ADGRA2: variants seen among roughly 807,000 people sequenced by gnomAD.
ADGRA2 encodes adhesion G protein-coupled receptor A2, also known as G-protein coupled receptor 124.
ADGRA2 carries 61 observed loss-of-function variants against 98.7 expected under a neutral mutation model. That is an observed-to-expected ratio of 0.62 (90% CI 0.50 to 0.76). The LOEUF is 0.76. Among genes scored for constraint, ADGRA2 ranks in the 30% least tolerant of loss-of-function variants. The probability of loss-of-function intolerance (pLI) is 0.00; values close to 1 mark genes in which losing one functional copy is unlikely to be tolerated. For missense variants in ADGRA2, 1,712 were observed against 1,860.0 expected, an observed-to-expected ratio of 0.92 and a Z score of 1.46; for synonymous variants, 858 against 831.5, an observed-to-expected ratio of 1.03 and a Z score of -0.55.
intron 5 of ADGRA2, 48 bp downstream of exon 5, chr8:37,829,607 C>T: frequency 7.4e-7 from 1 of 1,354,026 alleles, no homozygotes; most frequent in Non-Finnish European, 1.1e-6. Context: ...GTCCCTTTCT[C>T]TGCCCAGGAG....
chr8:37,801,392 A>C (rs1251145589), intron 1 of ADGRA2, among the ~76,000 whole-genome samples: 2 of 152,114 alleles, frequency 1.3e-5, no homozygotes, highest in Non-Finnish European at 2.9e-5. Context: ...CCCCAGGGAA[A>C]AGGTCCCACG....
rs140056490 is a variant in ADGRA2 at position 37,835,706 on chromosome 8, C to T, written c.1986C>T (p.Arg662=). Residue 662 remains arginine, a synonymous_variant, in exon 13 of 19, where the codon CGC becomes CGT. Coordinates refer to ENST00000412232, the MANE Select transcript of ADGRA2 (RefSeq NM_032777.10). ...RLFHSHSNTS[R]PGAAGPGKRR... ...TCCACAGCCACAGCAACACCTCCCG[C>T]CCTGGAGCTGCTGGGCCTGGCAAGA... is the stretch of plus-strand genomic sequence containing the variant. The T allele has an allele frequency of 1.4e-5, 22 of 1,613,884 alleles. No homozygotes were observed. Among genetic ancestry groups the T allele is most frequent in the Non-Finnish European group, 1.9e-5 (22 of 1,179,986 alleles).
intron 1 of ADGRA2, among the ~76,000 whole-genome samples, chr8:37,798,160 C>T (rs73592886): frequency 0.25 from 37,991 of 152,118 alleles, 5,064 homozygotes; most frequent in East Asian, 0.39. Flanking sequence ...GTCCCCATCC[C>T]TCTAGAGGCC....
intron 1 of ADGRA2, among the ~76,000 whole-genome samples, chr8:37,812,393 C>T (rs892011275): frequency 2.0e-5 from 3 of 152,056 alleles, no homozygotes; most frequent in South Asian, 2.1e-4. Flanking sequence ...TTTGGGAGCC[C>T]GAGGCGGGTG....
intron 1 of ADGRA2, among the ~76,000 whole-genome samples, chr8:37,809,505 G>C (rs990505275): frequency 2.0e-5 from 3 of 152,128 alleles, no homozygotes; most frequent in Non-Finnish European, 1.5e-5. Flanking sequence ...CCAACCCTGG[G>C]TATCTGAGGA....
chr8:37,821,571 A>G (rs1283250583), intron 2 of ADGRA2, among the ~76,000 whole-genome samples: 1 of 152,192 alleles, frequency 6.6e-6, no homozygotes, highest in African/African-American at 2.4e-5. Context: ...GGTGTCAGTC[A>G]CAGTAAGATG....
chr8:37,797,279 G>A lies in ADGRA2; in HGVS notation c.11G>A (p.Gly4Glu). MGA[G>E]GRRMRGAPAR... Reference sequence around the variant, plus strand: ...CGGGGCGATGGGTTGATGGGCGCCGGGGGACGCAGGATGCGGGGGGCGCCC... The same window carrying A: ...CGGGGCGATGGGTTGATGGGCGCCGAGGGACGCAGGATGCGGGGGGCGCCC... Residue 4 changes from glycine (G) to glutamate (E), a missense_variant, in exon 1 of 19, where the codon GGG (glycine) becomes GAG (glutamate). Gly to Glu is a moderately conservative substitution (Grantham distance 98, BLOSUM62 -2). Coordinates refer to ENST00000412232, the MANE Select transcript of ADGRA2 (RefSeq NM_032777.10). This position sits in a 1 kb window ranked among gnomAD's most constrained non-coding sequence, Gnocchi z 5.3. 2.3e-6 allele frequency: 3 copies of A among 1,296,484 alleles called. No individual in the cohort carries two copies. Among genetic ancestry groups the A allele is most frequent in the Middle Eastern group, 3.0e-4 (1 of 3,376 alleles). The allele number at this position is 1,296,484 out of a possible 1,614,324, so 80.3% of individuals were successfully genotyped here.
rs1351013741 is a variant in ADGRA2 at position 37,829,538 on chromosome 8, A to G, written c.533A>G (p.Glu178Gly). Residue 178 changes from glutamate (E) to glycine (G), a missense_variant, in exon 5 of 19, where the codon GAG becomes GGG. Coordinates refer to ENST00000412232, the MANE Select transcript of ADGRA2 (RefSeq NM_032777.10). ...FSSLQPGVFD[E>G]LPALKVVDLG... ...AGTCTGCAACCTGGGGTCTTTGATG[A>G]GCTGCCAGCCCTTAAGGTTGTGTGA... 1.2e-6 allele frequency: 2 copies of G among 1,612,670 alleles called. 1 individual carries two copies. The highest frequency in any genetic ancestry group is 1.7e-6 in the Non-Finnish European group (2 of 1,178,754).
At chr8:37,819,659 C>T (rs182383275) in intron 2 of ADGRA2, among the ~76,000 whole-genome samples, 26 of 151,968 alleles carry the variant, frequency 1.7e-4, no homozygotes, top group African/African-American at 5.8e-4. Context: ...CATGAGCCAT[C>T]GCACCCGGCC....
rs750328653 is a variant in ADGRA2 at position 37,831,409 on chromosome 8, C to A, written c.933-14C>A. 1.2e-6 allele frequency: 2 copies of A among 1,607,414 alleles called. No homozygotes were observed. Among genetic ancestry groups the A allele is most frequent in the Non-Finnish European group, 1.7e-6 (2 of 1,179,256 alleles). Reference sequence around the variant, plus strand: ...AAGGGTGACTCACGAGCCAGCTCCACCTGCCACCCGCAGTGAGCTGACGCT... The same window carrying A: ...AAGGGTGACTCACGAGCCAGCTCCAACTGCCACCCGCAGTGAGCTGACGCT... On this transcript the variant is annotated splice_polypyrimidine_tract_variant and intron_variant, in intron 7 of 18. Coordinates refer to ENST00000412232, the MANE Select transcript of ADGRA2 (RefSeq NM_032777.10).
rs1229618971 is a variant in ADGRA2, at chr8:37,842,116, G to A, written c.3778G>A (p.Ala1260Thr). ...GCCGTCCGAGGGCAGCGACACCAGC[G>A]CCGCGCCGCTTTCTGAGGCGGGCCG... ...LTPSEGSDTSAAPLSEAGRAG... is the reference protein window; with the variant it reads ...LTPSEGSDTSTAPLSEAGRAG... Residue 1260 changes from alanine (A) to threonine (T), a missense_variant, in exon 19 of 19, where the codon GCC becomes ACC. Coordinates refer to ENST00000412232, the MANE Select transcript of ADGRA2 (RefSeq NM_032777.10). 14 of 1,497,674 alleles carry A rather than the reference G, an allele frequency of 9.3e-6. No homozygotes were observed. In the East Asian group the frequency reaches 1.6e-4, roughly 17 times the overall value. 92.8% of individuals were successfully genotyped at this position (1,497,674 alleles called of 1,614,324 possible).
At position 37,837,820 on chromosome 8, in the gene ADGRA2, A is replaced by G. The variant is rs923206790; in HGVS notation, c.2140A>G (p.Ser714Gly). ...EGAEPVAAWW[S>G]QEGPGEAGGW... ...AGCCGAACCTGTGGCCGCTTGGTGG[A>G]GCCAGGAGGGGCCCGGGGAGGCTGG... The change falls in exon 14 of 19, where the codon AGC becomes GGC. Residue 714 changes from serine (S) to glycine (G), a missense_variant. Physicochemically the swap from Ser to Gly is moderately conservative, Grantham distance 56. Transcript: ENST00000412232. 44 of 1,540,674 alleles carry G rather than the reference A, an allele frequency of 2.9e-5. No homozygotes were observed. The highest frequency in any genetic ancestry group is 3.8e-5 in the Non-Finnish European group (43 of 1,141,778).
chr8:37,841,529 T>G lies in ADGRA2; in HGVS notation c.3191T>G (p.Phe1064Cys), dbSNP rs753115689. 1.2e-6 allele frequency: 2 copies of G among 1,612,508 alleles called. No individual in the cohort carries two copies. ...GTGGCAGCCTCCGCCCTGGGCCTCT[T>G]CGTCTTCACTCACCACTGTGCCAGG... ...YGVAASALGL[F>C]VFTHHCARRR... Residue 1064 changes from phenylalanine (F) to cysteine (C), a missense_variant, in exon 19 of 19, where the codon TTC becomes TGC. Physicochemically the swap from Phe to Cys is radical, Grantham distance 205. Coordinates refer to ENST00000412232, the MANE Select transcript of ADGRA2 (RefSeq NM_032777.10). The surrounding 1 kb of genome is among the most constrained non-coding windows in gnomAD (Gnocchi z 5.0).
intron 2 of ADGRA2, among the ~76,000 whole-genome samples, chr8:37,822,417 G>GCACACACACACA (rs1805153324): frequency 7.3e-6 from 1 of 136,328 alleles, no homozygotes; most frequent in African/African-American, 3.1e-5. Context: ...ACAGTCACAT[G>GCACACACACACA]CTCTTTAACT....
chr8:37,817,752 C>T (rs1274756375), intron 2 of ADGRA2, among the ~76,000 whole-genome samples: 2 of 152,130 alleles, frequency 1.3e-5, no homozygotes, highest in Admixed American at 6.5e-5. Flanking sequence ...CATGGTGGCT[C>T]ACGCCTGTAA....
At chr8:37,815,045 G>A (rs964544459) in intron 2 of ADGRA2, 78 bp downstream of exon 2, 13 of 1,003,044 alleles carry the variant, frequency 1.3e-5, no homozygotes, top group Non-Finnish European at 2.1e-5. Flanking sequence ...GAGGAGGAAC[G>A]CTGGTCGCTG....
In ADGRA2 at chr8:37,797,059, C is replaced by T. The variant is rs909973185; in HGVS notation, c.-210C>T. 1.4e-5 allele frequency: 3 copies of T among 210,544 alleles called. No individual in the cohort carries two copies. Among genetic ancestry groups the T allele is most frequent in the Non-Finnish European group, 2.7e-5 (3 of 109,712 alleles). The allele number at this position is 210,544 out of a possible 1,614,324, so 13.0% of individuals were successfully genotyped here. ...GAGCTGCCCGCGCTGCGCTGACAGC[C>T]GCGCCGACGTCCTCCCCGCCGGGGC... is the stretch of plus-strand genomic sequence containing the variant. On this transcript the variant is annotated 5_prime_UTR_variant, in exon 1 of 19. Transcript: ENST00000412232. The surrounding 1 kb of genome is among the most constrained non-coding windows in gnomAD (Gnocchi z 5.3).
rs552899450 is a variant in ADGRA2, at chr8:37,814,764, T to C, written c.267-132T>C. 36 of 682,958 alleles carry C rather than the reference T, an allele frequency of 5.3e-5. No homozygotes were observed. The highest frequency in any genetic ancestry group is 8.3e-5 in the Non-Finnish European group (31 of 372,360). The allele number at this position is 682,958 out of a possible 1,614,324, so 42.3% of individuals were successfully genotyped here. On this transcript the variant is annotated intron_variant, in intron 1 of 18. Coordinates refer to ENST00000412232, the MANE Select transcript of ADGRA2 (RefSeq NM_032777.10). The surrounding 1 kb of genome is among the most constrained non-coding windows in gnomAD (Gnocchi z 4.3). ...CCCTGTAATCTCCGGAAGTAGAGGG[T>C]GGGGGCTGCTGCCTCGCACAACTCC... is the stretch of plus-strand genomic sequence containing the variant.
rs1805505924 is a variant in ADGRA2 at position 37,833,122 on chromosome 8, G to C, written c.1210G>C (p.Asp404His). Residue 404 changes from aspartate to histidine, a missense_variant, in exon 9 of 19, where the codon GAC becomes CAC. Asp to His is a moderately conservative substitution (Grantham distance 81). Coordinates refer to ENST00000412232, the MANE Select transcript of ADGRA2 (RefSeq NM_032777.10). ...GGGCACCCGAGCCTCCCGCCGGTGT[G>C]ACCGTGCCGGCCGCTGGGAGCCAGG... ...APGTRASRRC[D>H]RAGRWEPGDY... 2 of 1,613,048 alleles carry C rather than the reference G, an allele frequency of 1.2e-6. No individual in the cohort carries two copies. Among genetic ancestry groups the C allele is most frequent in the African/African-American group, 2.7e-5 (2 of 75,048 alleles).
Sources: allele counts gnomAD v4.1 joint callset (sites outside exome capture counted in the v4.1 genomes callset), GRCh38; gene constraint gnomAD v4.1.1; non-coding constraint Gnocchi (gnomAD v3.1); transcripts MANE v1.5; gene names NCBI Gene and HGNC (gene_info 2026-07-23, HGNC 2026-07-21).